PRICKLE1: variants seen among roughly 807,000 people sequenced by gnomAD.
PRICKLE1 encodes prickle planar cell polarity protein 1, also known as prickle-like protein 1.
Under a neutral mutation model 70.2 loss-of-function variants are expected in PRICKLE1, and 14 were observed. The ratio of observed to expected loss-of-function variants is 0.20; its 90% CI spans 0.13 to 0.31. PRICKLE1 has a LOEUF of 0.31. Among genes scored for constraint, PRICKLE1 ranks in the 10% least tolerant of loss-of-function variants. The pLI is 1.00. For synonymous variants in PRICKLE1, 357 were observed against 379.9 expected (o/e 0.94, Z 0.70); for missense variants, 821 against 1,026.2 (o/e 0.80, Z 2.73).
At chr12:42,483,961 C>T (rs977022493) in intron 1 of PRICKLE1, 1 of 142,140 alleles carries the variant, frequency 7.0e-6, no homozygotes, top group Non-Finnish European at 1.5e-5. Context: ...CGCTCAGCGC[C>T]GGGAGCCCGC....
intron 7 of PRICKLE1, among the ~76,000 whole-genome samples, chr12:42,463,968 G>C (rs1451863723): frequency 6.6e-6 from 1 of 151,988 alleles, no homozygotes; most frequent in Non-Finnish European, 1.5e-5. Flanking sequence ...TTTAAGTGAG[G>C]TTCCTTCCTT....
At chr12:42,468,199 TA>T (rs1486111796) in intron 5 of PRICKLE1, among the ~76,000 whole-genome samples, 1 of 152,196 alleles carries the variant, frequency 6.6e-6, no homozygotes, top group Non-Finnish European at 1.5e-5. Context: ...TCCCCGAGGG[TA>T]ACTACTATTA....
At chr12:42,571,601 C>T (rs977865416) in intron 1 of PRICKLE1, among the ~76,000 whole-genome samples, 14 of 152,128 alleles carry the variant, frequency 9.2e-5, no homozygotes, top group Admixed American at 9.2e-4. Context: ...CTTTTCAGAC[C>T]CACCTGATGG....
rs1178119926 is a variant in PRICKLE1, at chr12:42,457,609, T to C, written c.*2200A>G. ...GTCCCAGTAACTACGCTGCTCCCGA[T>C]TTATGTGCACATGTGCCAGTGTAGC... is the stretch of plus-strand genomic sequence containing the variant. On this transcript the variant is annotated 3_prime_UTR_variant, in exon 8 of 8. Transcript: ENST00000345127. The C allele has an allele frequency of 1.3e-5, 2 of 152,248 alleles. No individual in the cohort carries two copies. Among genetic ancestry groups the C allele is most frequent in the African/African-American group, 4.8e-5 (2 of 41,468 alleles). 9.4% of individuals were successfully genotyped at this position (152,248 alleles called of 1,614,324 possible). A position where few individuals can be genotyped will look rare whatever the true frequency, so the allele number is the denominator to read the frequency against.
chr12:42,474,678 C>T (rs1938455709), intron 1 of PRICKLE1, among the ~76,000 whole-genome samples: 1 of 152,176 alleles, frequency 6.6e-6, no homozygotes, highest in Non-Finnish European at 1.5e-5. Flanking sequence ...AAACCACTCC[C>T]ACATGTCAAA....
At chr12:42,548,259 G>A (rs1251602053) in intron 1 of PRICKLE1, among the ~76,000 whole-genome samples, 1 of 152,074 alleles carries the variant, frequency 6.6e-6, no homozygotes, top group Non-Finnish European at 1.5e-5. Flanking sequence ...TCTATTTGTG[G>A]TGTCATGTTG....
At chr12:42,544,987 AT>A (rs11332599) in intron 1 of PRICKLE1, among the ~76,000 whole-genome samples, 141,314 of 144,832 alleles carry the variant, frequency 0.98, 68,940 homozygotes, top group South Asian at 0.99. Context: ...ACCACGCTGA[AT>A]TTTTTTTTTT....
intron 4 of PRICKLE1, 83 bp from the exon 5 acceptor site, chr12:42,468,912 G>A (rs1434794729): frequency 3.1e-5 from 41 of 1,343,598 alleles, no homozygotes; most frequent in Middle Eastern, 1.8e-4. Flanking sequence ...GATAAATCTC[G>A]AATTTGTCAG....
At chr12:42,500,887 C>G (rs990718572) in intron 1 of PRICKLE1, among the ~76,000 whole-genome samples, 1 of 152,128 alleles carries the variant, frequency 6.6e-6, no homozygotes, top group Non-Finnish European at 1.5e-5. Context: ...TTACTTAACA[C>G]AAACTCTAGT....
intron 1 of PRICKLE1, among the ~76,000 whole-genome samples, chr12:42,548,479 T>C (rs2120637716): frequency 6.6e-6 from 1 of 152,322 alleles, no homozygotes. Context: ...CATAGGGTAC[T>C]CCTGAGAAGA....
At chr12:42,565,699 C>T (rs1940610137) in intron 1 of PRICKLE1, among the ~76,000 whole-genome samples, 1 of 152,148 alleles carries the variant, frequency 6.6e-6, no homozygotes, top group Admixed American at 6.5e-5. Context: ...TTGCTAATTG[C>T]TTTTCATGCA....
chr12:42,526,543 T>G, intron 1 of PRICKLE1, among the ~76,000 whole-genome samples: 1 of 151,342 alleles, frequency 6.6e-6, no homozygotes, highest in Non-Finnish European at 1.5e-5. Context: ...GCCTTGAGAG[T>G]GGTGAGAGGT....
chr12:42,490,866 AT>A (rs923136119), intron 1 of PRICKLE1, among the ~76,000 whole-genome samples: 14 of 151,756 alleles, frequency 9.2e-5, no homozygotes, highest in Non-Finnish European at 2.1e-4. Flanking sequence ...GCTCAAACTT[AT>A]TTTTTTATTT....
chr12:42,517,350 T>C (rs573335680), intron 1 of PRICKLE1, among the ~76,000 whole-genome samples: 216 of 138,902 alleles, frequency 1.6e-3, no homozygotes, highest in Non-Finnish European at 2.7e-3. Context: ...TCTTGCTCTG[T>C]AGCCCAGGTT....
Position 42,589,569 on chromosome 12 carries a change from G to T in PRICKLE1, c.-153C>A. Reference sequence around the variant, plus strand: ...GAGGAGCTGCGGTCCGCGGCGTCAGGGGTGGGCGAGGGTGAGCAGCGCACG... The same window carrying T: ...GAGGAGCTGCGGTCCGCGGCGTCAGTGGTGGGCGAGGGTGAGCAGCGCACG... On this transcript the variant is annotated 5_prime_UTR_variant, in exon 1 of 8. Coordinates refer to ENST00000345127, the MANE Select transcript of PRICKLE1 (RefSeq NM_153026.3). The surrounding 1 kb of genome is among the most constrained non-coding windows in gnomAD (Gnocchi z 5.0). 6.5e-6 allele frequency: 1 copy of T among 154,180 alleles called. No individual in the cohort carries two copies. The highest frequency in any genetic ancestry group is 1.8e-4 in the South Asian group (1 of 5,536). The allele number at this position is 154,180 out of a possible 1,614,324, so 9.6% of individuals were successfully genotyped here.
chr12:42,527,547 A>C (rs563631063), intron 1 of PRICKLE1, among the ~76,000 whole-genome samples: 1 of 152,352 alleles, frequency 6.6e-6, no homozygotes, highest in South Asian at 2.1e-4. Context: ...CACTGCTAGA[A>C]GTCCCATTTC....
Position 42,545,939 on chromosome 12 carries a change from T to G in PRICKLE1, c.-49+43526A>C, listed in dbSNP as rs536405922. Among the ~76,000 whole-genome samples, 20 of 151,580 alleles carry G rather than the reference T, an allele frequency of 1.3e-4. No individual in the cohort carries two copies. In the East Asian group the frequency reaches 3.9e-3, roughly 29 times the overall value. On this transcript the variant is annotated intron_variant, in intron 1 of 7. Coordinates refer to ENST00000345127, the MANE Select transcript of PRICKLE1 (RefSeq NM_153026.3). ...AAGGAGGGAGATTCTTGAAAGTTAT[T>G]TGAATGACTTAGTAAAAAAAAATCT...
intron 5 of PRICKLE1, among the ~76,000 whole-genome samples, chr12:42,468,065 G>A (rs1233989394): frequency 3.3e-5 from 5 of 152,228 alleles, no homozygotes; most frequent in African/African-American, 1.2e-4. Flanking sequence ...GGGGAAGCTG[G>A]GAGAAGGGCA....
At chr12:42,484,275 GCCGCCCGC>G (rs1010929485) in intron 1 of PRICKLE1, 1 of 151,496 alleles carries the variant, frequency 6.6e-6, no homozygotes, top group African/African-American at 2.4e-5. Flanking sequence ...AGCACCTACC[GCCGCCCGC>G]CCGCTCCATT....
Sources: allele counts gnomAD v4.1 joint callset (sites outside exome capture counted in the v4.1 genomes callset), GRCh38; gene constraint gnomAD v4.1.1; non-coding constraint Gnocchi (gnomAD v3.1); transcripts MANE v1.5; gene names NCBI Gene and HGNC (gene_info 2026-07-23, HGNC 2026-07-21).